Variants in RNF17 observed in about 807,000 individuals in gnomAD.
RNF17 encodes the protein spermatogenesis associated 23.
A neutral mutation model predicts 200.5 loss-of-function variants in RNF17; 31 were observed. That is an observed-to-expected ratio of 0.15 (90% CI 0.12 to 0.21). The LOEUF (loss-of-function observed/expected upper bound fraction) is 0.21, where lower values mean the gene tolerates loss of function less well. RNF17 is among the 10% of genes least tolerant of loss of function. The pLI, the probability that RNF17 is intolerant of heterozygous loss-of-function variation, is 1.00. For synonymous variants in RNF17, 606 were observed against 637.8 expected, an observed-to-expected ratio of 0.95 and a Z score of 0.75; for missense variants, 1,628 against 1,905.1, an observed-to-expected ratio of 0.85 and a Z score of 2.71.
intron 9 of RNF17, among the ~76,000 whole-genome samples, chr13:24,791,990 A>G (rs1883921868): frequency 6.6e-6 from 1 of 152,202 alleles, no homozygotes; most frequent in African/African-American, 2.4e-5. Context: ...AGACCTTGCC[A>G]GAGGAAGTGG....
At chr13:24,850,650 T>C (rs953989424) in intron 23 of RNF17, among the ~76,000 whole-genome samples, 4 of 152,266 alleles carry the variant, frequency 2.6e-5, no homozygotes, top group African/African-American at 9.6e-5. Flanking sequence ...TTTAAATGTT[T>C]TATTACATTG....
At chr13:24,872,088 C>T (rs982176978) in intron 32 of RNF17, among the ~76,000 whole-genome samples, 1 of 150,368 alleles carries the variant, frequency 6.7e-6, no homozygotes, top group African/African-American at 2.4e-5. Flanking sequence ...TCTGCCTCAG[C>T]CTCCCAAGTA....
intron 16 of RNF17, among the ~76,000 whole-genome samples, chr13:24,828,308 C>G (rs767535725): frequency 2.0e-5 from 3 of 151,870 alleles, no homozygotes; most frequent in Non-Finnish European, 4.4e-5. Context: ...TTTGTCTGGC[C>G]CATTTTCCTG....
At chr13:24,837,301 A>G (rs1890121171) in intron 18 of RNF17, among the ~76,000 whole-genome samples, 2 of 152,216 alleles carry the variant, frequency 1.3e-5, no homozygotes, top group Admixed American at 6.5e-5. Flanking sequence ...TTCCACTGAC[A>G]TTACTAGACA....
chr13:24,790,312 T>A (rs1458024453), intron 9 of RNF17, among the ~76,000 whole-genome samples: 1 of 152,068 alleles, frequency 6.6e-6, no homozygotes, highest in Non-Finnish European at 1.5e-5. Flanking sequence ...CAGGGAATGG[T>A]GTATATAATT....
chr13:24,885,470 T>G, the RNF17 span: 1 of 1,196,478 alleles, frequency 8.4e-7, no homozygotes, highest in Non-Finnish European at 1.3e-6. Context: ...AGGACTAGTG[T>G]TTACAAAATA....
intron 19 of RNF17, among the ~76,000 whole-genome samples, chr13:24,842,985 TAAA>T (rs374294921): frequency 7.5e-6 from 1 of 133,814 alleles, no homozygotes. Flanking sequence ...AGACTCTGTC[TAAA>T]AAAAAAAAAA....
At chr13:24,798,746 C>T (rs541826496) in intron 11 of RNF17, among the ~76,000 whole-genome samples, 2 of 129,434 alleles carry the variant, frequency 1.5e-5, no homozygotes, top group Non-Finnish European at 3.3e-5. Context: ...AGTAAGCATT[C>T]ACCTGTGGGC....
At chr13:24,748,229 A>G in the RNF17 span, among the ~76,000 whole-genome samples, 1 of 152,230 alleles carries the variant, frequency 6.6e-6, no homozygotes, top group Non-Finnish European at 1.5e-5. Context: ...AAACCTCTCC[A>G]CAACCAAGTG....
intron 9 of RNF17, among the ~76,000 whole-genome samples, chr13:24,791,780 CA>C (rs752335540): frequency 3.0e-4 from 46 of 152,074 alleles, no homozygotes; most frequent in Non-Finnish European, 6.3e-4. Flanking sequence ...ACCAAGGTCA[CA>C]AAACTGATGT....
At chr13:24,814,542 T>G (rs1158152450) in intron 15 of RNF17, among the ~76,000 whole-genome samples, 1 of 152,248 alleles carries the variant, frequency 6.6e-6, no homozygotes, top group Non-Finnish European at 1.5e-5. Flanking sequence ...GAGTTAATTT[T>G]GTACAAAGTA....
upstream of RNF17, among the ~76,000 whole-genome samples, chr13:24,763,369 A>ATTTTTTTT (rs34750040): frequency 2.3e-4 from 26 of 114,706 alleles, no homozygotes; most frequent in East Asian, 2.6e-4. Context: ...CGTCCGGCTA[A>ATTTTTTTT]TTTTTTTTTT....
the RNF17 span, among the ~76,000 whole-genome samples, chr13:24,752,538 C>T: frequency 0.016 from 2,375 of 152,338 alleles, 65 homozygotes; most frequent in African/African-American, 0.054. Context: ...TTATCTCCTG[C>T]CCATCCACAG....
chr13:24,806,132 C>A (rs1313190972), intron 15 of RNF17, among the ~76,000 whole-genome samples: 3 of 152,068 alleles, frequency 2.0e-5, no homozygotes, highest in Non-Finnish European at 2.9e-5. Context: ...TGAGAACATG[C>A]AGTGTTTGGT....
At chr13:24,783,240 T>A (rs7326163) in intron 6 of RNF17, among the ~76,000 whole-genome samples, 1 of 152,136 alleles carries the variant, frequency 6.6e-6, no homozygotes, top group Non-Finnish European at 1.5e-5. Flanking sequence ...TCTGTTTTAT[T>A]CCGTTGTTCT....
intron 3 of RNF17, among the ~76,000 whole-genome samples, chr13:24,776,838 C>T (rs1881641118): frequency 6.6e-6 from 1 of 151,900 alleles, no homozygotes; most frequent in Admixed American, 6.6e-5. Flanking sequence ...TTTTTTTTCT[C>T]AAGACAAACT....
At chr13:24,767,584 C>T (rs750724398) in intron 2 of RNF17, among the ~76,000 whole-genome samples, 7 of 151,994 alleles carry the variant, frequency 4.6e-5, no homozygotes, top group Non-Finnish European at 8.8e-5. Flanking sequence ...CCCGTCTCTA[C>T]TAAAAATACA....
At chr13:24,816,978 G>A (rs568415736) in intron 15 of RNF17, among the ~76,000 whole-genome samples, 1 of 152,188 alleles carries the variant, frequency 6.6e-6, no homozygotes, top group Non-Finnish European at 1.5e-5. Context: ...GAGACCCGAA[G>A]ACCAAGTTAG....
intron 29 of RNF17, among the ~76,000 whole-genome samples, chr13:24,865,712 A>G (rs1454033328): frequency 6.6e-6 from 1 of 152,180 alleles, no homozygotes; most frequent in Non-Finnish European, 1.5e-5. Context: ...AAATCGTGCT[A>G]TAACTTTGTT....
Sources: gnomAD v4.1 joint callset for allele counts (sites outside exome capture counted in the v4.1 genomes callset) on GRCh38, gnomAD v4.1.1 for gene constraint, MANE v1.5 for transcripts, NCBI Gene and HGNC (gene_info 2026-07-23, HGNC 2026-07-21) for gene names.